The following CNOT2 variants were observed in gnomAD, a reference collection of about 807,000 sequenced individuals.
CNOT2 encodes CCR4-NOT transcription complex subunit 2, also known as CC chemokine receptor 4-negative regulator of transcription 2.
A neutral mutation model predicts 72.1 loss-of-function variants in CNOT2; 7 were observed. The observed-to-expected ratio is 0.10, with a 90% CI of 0.06 to 0.18. CNOT2 has a LOEUF of 0.18. Among genes scored for constraint, CNOT2 ranks in the 10% least tolerant of loss-of-function variants. The pLI is 1.00. For missense variants in CNOT2, 345 were observed against 660.3 expected (o/e 0.52, Z 5.23); for synonymous variants, 196 against 225.6 (o/e 0.87, Z 1.17).
chr12:70,329,980 C>T (rs17814151), intron 5 of CNOT2, among the ~76,000 whole-genome samples: 17,960 of 151,906 alleles, frequency 0.12, 1,423 homozygotes, highest in Non-Finnish European at 0.18. Context: ...GAGGATAGAA[C>T]GATATGCCAT....
At chr12:70,310,761 GCCACTAGCC>G (rs1020115189) in intron 2 of CNOT2, 125 bp from the exon 3 acceptor site, 6 of 606,518 alleles carry the variant, frequency 9.9e-6, no homozygotes, top group Admixed American at 9.6e-5. Flanking sequence ...TATCACATGC[GCCACTAGCC>G]ATTAGTTGAT....
chr12:70,252,376 A>G (rs1450140625), intron 1 of CNOT2, among the ~76,000 whole-genome samples: 6 of 152,082 alleles, frequency 3.9e-5, no homozygotes, highest in Non-Finnish European at 8.8e-5. Context: ...TTGTAGAGAC[A>G]GGGTTCCTCC....
At chr12:70,243,181 G>T (rs188238809), upstream of CNOT2, 1,181 of 152,500 alleles carry the variant, frequency 7.7e-3, 8 homozygotes, top group Middle Eastern at 0.017. Context: ...CTCTGTAACG[G>T]CCGCGGAGGA....
At position 70,325,476 on chromosome 12, in the gene CNOT2, A is replaced by G. The variant is rs1238333793; in HGVS notation, c.239-3947A>G. ...TATTGGTTGCAAAAAAGGCATTGAA[A>G]TAGGAGTCAAGAAATTGGATCATTG... On this transcript the variant is annotated intron_variant, in intron 4 of 15. Coordinates refer to ENST00000229195, the MANE Select transcript of CNOT2 (RefSeq NM_014515.7). 2.0e-5 allele frequency among the ~76,000 whole-genome samples: 3 copies of G among 151,888 alleles called. No individual in the cohort carries two copies. The East Asian group carries it at 5.8e-4, about 29-fold the overall frequency.
intron 1 of CNOT2, among the ~76,000 whole-genome samples, chr12:70,277,010 A>G (rs1466142071): frequency 6.6e-6 from 1 of 151,884 alleles, no homozygotes; most frequent in Non-Finnish European, 1.5e-5. Flanking sequence ...GAGGTACTCC[A>G]TATATATGTG....
chr12:70,290,934 T>A (rs1369670411), intron 2 of CNOT2: 1 of 152,222 alleles, frequency 6.6e-6, no homozygotes, highest in Non-Finnish European at 1.5e-5. Flanking sequence ...TGCTTTCTCT[T>A]GTATAAAATA....
rs150852430 is a variant in CNOT2 at position 70,304,681 on chromosome 12, A to G, written c.49-6214A>G. Reference sequence around the variant, plus strand: ...ACATCTCAAGCTGTGTGCTGGTAGAACCACTACTCTCTTCATAGCAGTCAG... The same window carrying G: ...ACATCTCAAGCTGTGTGCTGGTAGAGCCACTACTCTCTTCATAGCAGTCAG... On this transcript the variant is annotated intron_variant, in intron 2 of 15. Coordinates refer to ENST00000229195, the MANE Select transcript of CNOT2 (RefSeq NM_014515.7). Among the ~76,000 whole-genome samples, 655 of 152,330 alleles carry G rather than the reference A, an allele frequency of 4.3e-3. 6 individuals are homozygous for G. Among genetic ancestry groups the G allele is most frequent in the African/African-American group, 0.014 (582 of 41,580 alleles).
intron 9 of CNOT2, 83 bp downstream of exon 9, chr12:70,337,596 C>T (rs184638104): frequency 7.5e-7 from 1 of 1,324,900 alleles, no homozygotes; most frequent in East Asian, 2.4e-5. Flanking sequence ...TTACTAAATA[C>T]TATTACAAAA....
intron 4 of CNOT2, 131 bp from the exon 5 acceptor site, chr12:70,329,292 G>T: frequency 1.7e-6 from 1 of 578,230 alleles, no homozygotes; most frequent in Non-Finnish European, 3.1e-6. Flanking sequence ...GGAGTGAATC[G>T]AATATATCCA....
intron 1 of CNOT2, among the ~76,000 whole-genome samples, chr12:70,269,788 C>T (rs1959181729): frequency 1.3e-5 from 2 of 152,018 alleles, no homozygotes; most frequent in Admixed American, 1.3e-4. Flanking sequence ...TTTACCCCAG[C>T]CAAGTTTATG....
chr12:70,325,441 T>A (rs1423618503), intron 4 of CNOT2, among the ~76,000 whole-genome samples: 1 of 151,736 alleles, frequency 6.6e-6, no homozygotes, highest in African/African-American at 2.4e-5. Flanking sequence ...CATTAAAAAA[T>A]GGAAAATGAT....
chr12:70,274,589 G>A (rs1312743756), intron 1 of CNOT2, among the ~76,000 whole-genome samples: 2 of 152,044 alleles, frequency 1.3e-5, no homozygotes, highest in Admixed American at 6.5e-5. Flanking sequence ...ATTGAGTAAT[G>A]AAGTGGGATG....
At chr12:70,345,429 A>G (rs949639175) in intron 14 of CNOT2, 2 of 152,078 alleles carry the variant, frequency 1.3e-5, no homozygotes, top group African/African-American at 4.8e-5. Flanking sequence ...ACATTCAGGC[A>G]CTCATTCATC....
chr12:70,335,101 T>C, intron 7 of CNOT2: 1 of 173,934 alleles, frequency 5.7e-6, no homozygotes, highest in Admixed American at 5.8e-5. Context: ...AGACAAGTTA[T>C]ATCGTAACAA....
At chr12:70,261,833 GA>G (rs985124685) in intron 1 of CNOT2, among the ~76,000 whole-genome samples, 5 of 150,410 alleles carry the variant, frequency 3.3e-5, no homozygotes, top group Admixed American at 1.3e-4. Context: ...CTGGGCCTGA[GA>G]TTTTTTTTTT....
intron 3 of CNOT2, chr12:70,319,073 T>G (rs1000560284): frequency 1.7e-5 from 6 of 355,626 alleles, no homozygotes; most frequent in African/African-American, 2.1e-5. Context: ...TTAGAAAACT[T>G]ATAGTATTAA....
intron 8 of CNOT2, 89 bp from the exon 9 acceptor site, chr12:70,337,300 G>A: frequency 9.2e-7 from 1 of 1,087,392 alleles, no homozygotes; most frequent in East Asian, 2.5e-5. Flanking sequence ...ACCTTTTGGT[G>A]TATTATCATG....
chr12:70,341,552 T>C (rs977997888), intron 11 of CNOT2, among the ~76,000 whole-genome samples: 1 of 152,102 alleles, frequency 6.6e-6, no homozygotes, highest in Non-Finnish European at 1.5e-5. Flanking sequence ...ATTTTGTCTG[T>C]CCCCCTCCAA....
At chr12:70,300,780 G>A (rs1442499984) in intron 2 of CNOT2, among the ~76,000 whole-genome samples, 2 of 152,148 alleles carry the variant, frequency 1.3e-5, no homozygotes, top group Non-Finnish European at 2.9e-5. Flanking sequence ...GCTTGATGGG[G>A]ATGGCATTGA....
Sources: gnomAD v4.1 joint callset for allele counts (sites outside exome capture counted in the v4.1 genomes callset) on GRCh38, gnomAD v4.1.1 for gene constraint, MANE v1.5 for transcripts, NCBI Gene and HGNC (gene_info 2026-07-23, HGNC 2026-07-21) for gene names.